JAK2: variants seen among roughly 807,000 people sequenced by gnomAD.
JAK2 encodes the protein Janus kinase 2.
JAK2 carries 86 observed loss-of-function variants against 139.3 expected under a neutral mutation model. That is an observed-to-expected ratio of 0.62 (90% CI 0.52 to 0.74). JAK2 has a LOEUF of 0.74. JAK2 is among the 30% of genes least tolerant of loss of function. JAK2 has a pLI of 0.00. For synonymous variants in JAK2, 490 were observed against 437.7 expected (o/e 1.12, Z -1.49); for missense variants, 1,421 against 1,360.3 (o/e 1.04, Z -0.70).
At chr9:5,008,179 A>T (rs1821446384) in intron 2 of JAK2, among the ~76,000 whole-genome samples, 1 of 152,232 alleles carries the variant, frequency 6.6e-6, no homozygotes, top group Non-Finnish European at 1.5e-5. Flanking sequence ...TAGTCTATAC[A>T]TAAAGTCAAT....
At chr9:4,997,921 T>G (rs2129796364) in intron 2 of JAK2, among the ~76,000 whole-genome samples, 1 of 152,322 alleles carries the variant, frequency 6.6e-6, no homozygotes, top group East Asian at 1.9e-4. Flanking sequence ...GTGCTTAATT[T>G]TTTTTTAATC....
intron 5 of JAK2, among the ~76,000 whole-genome samples, chr9:5,046,608 CT>C (rs1377450230): frequency 2.0e-5 from 3 of 152,128 alleles, no homozygotes; most frequent in Admixed American, 2.0e-4. Context: ...ACTTCTTTTG[CT>C]TGTGAATATC....
intron 3 of JAK2, among the ~76,000 whole-genome samples, chr9:5,026,853 T>C (rs1001737929): frequency 6.6e-6 from 1 of 152,358 alleles, no homozygotes. Context: ...TTCTAAAATA[T>C]CTTTTAAGAA....
intron 22 of JAK2, chr9:5,100,032 A>G (rs920032442): frequency 2.0e-5 from 3 of 152,236 alleles, no homozygotes; most frequent in African/African-American, 7.2e-5. Flanking sequence ...TAGCTGTGCA[A>G]TTAACAGCCA....
intron 24 of JAK2, 35 bp downstream of exon 24, chr9:5,126,481 A>G: frequency 1.4e-6 from 2 of 1,404,876 alleles, no homozygotes; most frequent in Non-Finnish European, 2.0e-6. Context: ...GTAGTCATGC[A>G]TTTTCTTTTA....
intron 8 of JAK2, among the ~76,000 whole-genome samples, chr9:5,061,973 A>C (rs977827705): frequency 3.9e-5 from 6 of 152,186 alleles, no homozygotes; most frequent in Non-Finnish European, 8.8e-5. Flanking sequence ...AGAGGGAAAA[A>C]GAAAGGGAAA....
chr9:5,061,234 G>T (rs1035251144), intron 8 of JAK2, among the ~76,000 whole-genome samples: 13 of 152,210 alleles, frequency 8.5e-5, no homozygotes, highest in African/African-American at 2.9e-4. Context: ...GTCACCAATG[G>T]CATAGGCCCT....
chr9:5,126,108 G>A, intron 23 of JAK2: 1 of 390,138 alleles, frequency 2.6e-6, no homozygotes, highest in Non-Finnish European at 4.6e-6. Context: ...GCCCTCCTCA[G>A]GGGATTTGTG....
chr9:5,019,675 G>C (rs967031331), intron 2 of JAK2, among the ~76,000 whole-genome samples: 2 of 151,848 alleles, frequency 1.3e-5, no homozygotes, highest in African/African-American at 4.8e-5. Context: ...CCATTTTTTT[G>C]AATTTGCTTT....
chr9:5,118,140 G>A (rs767066545), intron 22 of JAK2, among the ~76,000 whole-genome samples: 16 of 152,154 alleles, frequency 1.1e-4, no homozygotes, highest in African/African-American at 1.9e-4. Flanking sequence ...CAGCCTGGGC[G>A]ACAGAGCGAG....
chr9:4,985,037 G>A (rs936168797), upstream of JAK2: 3 of 152,320 alleles, frequency 2.0e-5, no homozygotes, highest in African/African-American at 7.2e-5. Context: ...CGCACTGCAG[G>A]ACGCGCGTCC....
chr9:5,126,326 G>C lies in JAK2; in HGVS notation c.3178-7G>C. The stretch of plus-strand genomic sequence containing the variant: ...TACAAAAAATATTGAAAGTGGGTTT[G>C]TTTTAGGAATTTATGCGTATGATTG... On this transcript the variant is annotated splice_region_variant and splice_polypyrimidine_tract_variant and intron_variant, in intron 23 of 24. Transcript: ENST00000381652. The C allele has an allele frequency of 6.3e-7, 1 of 1,578,336 alleles. No homozygotes were observed. Among genetic ancestry groups the C allele is most frequent in the East Asian group, 2.3e-5 (1 of 44,290 alleles).
At chr9:5,121,134 A>G (rs752524240) in intron 22 of JAK2, among the ~76,000 whole-genome samples, 28 of 152,126 alleles carry the variant, frequency 1.8e-4, no homozygotes, top group Non-Finnish European at 3.1e-4. Flanking sequence ...GGGAAAGTAT[A>G]ATTGAAAACA....
At chr9:5,035,632 C>T (rs979061795) in intron 4 of JAK2, among the ~76,000 whole-genome samples, 1 of 152,148 alleles carries the variant, frequency 6.6e-6, no homozygotes, top group African/African-American at 2.4e-5. Flanking sequence ...ACGGCAAAAA[C>T]CATATGATTA....
intron 5 of JAK2, among the ~76,000 whole-genome samples, chr9:5,045,167 G>A (rs1170824878): frequency 2.0e-5 from 3 of 152,098 alleles, no homozygotes; most frequent in Non-Finnish European, 2.9e-5. Flanking sequence ...TAGACTAGTA[G>A]GAATAGAAAT....
intron 22 of JAK2, chr9:5,112,568 G>T: frequency 1.5e-6 from 1 of 651,056 alleles, no homozygotes; most frequent in Non-Finnish European, 2.7e-6. Context: ...GCCAGGGAGC[G>T]GCTGCGGGTC....
At chr9:5,082,179 G>A (rs1008166862) in intron 19 of JAK2, among the ~76,000 whole-genome samples, 1 of 152,188 alleles carries the variant, frequency 6.6e-6, no homozygotes, top group Non-Finnish European at 1.5e-5. Context: ...TGGAGGACCC[G>A]CACCAACACT....
At chr9:4,986,325 C>A (rs1819947984) in intron 2 of JAK2, among the ~76,000 whole-genome samples, 1 of 152,166 alleles carries the variant, frequency 6.6e-6, no homozygotes, top group Non-Finnish European at 1.5e-5. Flanking sequence ...ATTCTTAATC[C>A]TTTAAAGAGG....
At chr9:5,083,486 T>C (rs1819858672) in intron 19 of JAK2, among the ~76,000 whole-genome samples, 2 of 152,232 alleles carry the variant, frequency 1.3e-5, no homozygotes, top group Non-Finnish European at 1.5e-5. Flanking sequence ...GTCATTGATT[T>C]TCCTCTTTTC....
Sources: gnomAD v4.1 joint callset for allele counts (sites outside exome capture counted in the v4.1 genomes callset) on GRCh38, gnomAD v4.1.1 for gene constraint, MANE v1.5 for transcripts, NCBI Gene and HGNC (gene_info 2026-07-23, HGNC 2026-07-21) for gene names.